Variants in AGK observed in about 807,000 individuals in gnomAD.
AGK encodes the protein acylglycerol kinase, mitochondrial.
In AGK, 52 loss-of-function variants were observed where a neutral mutation model predicts 66.4. The ratio of observed to expected loss-of-function variants is 0.78; its 90% CI spans 0.63 to 0.99. The LOEUF is 0.99. Among genes scored for constraint, AGK ranks in the 50% least tolerant of loss-of-function variants. AGK has a pLI of 0.00. For synonymous variants in AGK, 182 were observed against 181.1 expected, an observed-to-expected ratio of 1.00 and a Z score of -0.04; for missense variants, 451 against 506.6, an observed-to-expected ratio of 0.89 and a Z score of 1.05.
At chr7:141,590,299 G>T (rs1222795167) in intron 2 of AGK, among the ~76,000 whole-genome samples, 1 of 152,194 alleles carries the variant, frequency 6.6e-6, no homozygotes, top group African/African-American at 2.4e-5. Context: ...AGTAGAGGAG[G>T]AGCCTGGAAA....
chr7:141,622,615 C>T (rs1796850912), intron 9 of AGK, among the ~76,000 whole-genome samples: 1 of 152,192 alleles, frequency 6.6e-6, no homozygotes, highest in Non-Finnish European at 1.5e-5. Flanking sequence ...TAAATGTGTG[C>T]GTTGACTGCT....
intron 10 of AGK, 60 bp downstream of exon 10, chr7:141,634,040 C>T: frequency 7.0e-7 from 1 of 1,426,276 alleles, no homozygotes; most frequent in Non-Finnish European, 9.9e-7. Context: ...CTGTCCCTGC[C>T]TTTCAGGTTT....
chr7:141,601,574 C>T (rs1796341198), intron 5 of AGK, among the ~76,000 whole-genome samples: 1 of 152,098 alleles, frequency 6.6e-6, no homozygotes, highest in Admixed American at 6.5e-5. Context: ...GAATTCTTTT[C>T]CTGAAAATAC....
intron 5 of AGK, 45 bp downstream of exon 5, chr7:141,601,325 C>G: frequency 6.8e-7 from 1 of 1,475,630 alleles, no homozygotes; most frequent in Non-Finnish European, 9.4e-7. Context: ...GCAGCTGCCT[C>G]TTATAACAAC....
At chr7:141,647,209 C>T (rs925030619) in intron 13 of AGK, among the ~76,000 whole-genome samples, 5 of 152,152 alleles carry the variant, frequency 3.3e-5, no homozygotes, top group Admixed American at 6.5e-5. Flanking sequence ...CTCCAATCTA[C>T]TCCTGTCTTA....
At chr7:141,621,179 T>G (rs1444497754) in intron 8 of AGK, among the ~76,000 whole-genome samples, 1 of 152,140 alleles carries the variant, frequency 6.6e-6, no homozygotes, top group East Asian at 1.9e-4. Flanking sequence ...CTATAGACTT[T>G]CCAAATGGCT....
intron 9 of AGK, among the ~76,000 whole-genome samples, chr7:141,628,919 T>G (rs1796998420): frequency 6.6e-6 from 1 of 152,184 alleles, no homozygotes; most frequent in Non-Finnish European, 1.5e-5. Flanking sequence ...TTTATAGAAT[T>G]CTTTGTAGCT....
At chr7:141,646,971 T>G (rs1797425898) in intron 13 of AGK, among the ~76,000 whole-genome samples, 1 of 152,148 alleles carries the variant, frequency 6.6e-6, no homozygotes, top group South Asian at 2.1e-4. Flanking sequence ...GGCTGTGCTT[T>G]CTTTCTTTTC....
At chr7:141,615,701 G>A in intron 8 of AGK, 136 bp downstream of exon 8, 4 of 714,328 alleles carry the variant, frequency 5.6e-6, no homozygotes, top group South Asian at 5.3e-5. Flanking sequence ...CTAGATCAGA[G>A]TTCAGCCTTT....
intron 2 of AGK, among the ~76,000 whole-genome samples, chr7:141,588,037 C>T (rs1339272262): frequency 6.6e-6 from 1 of 152,168 alleles, no homozygotes; most frequent in African/African-American, 2.4e-5. Context: ...GTTTCAACAA[C>T]TACCTTCAGA....
chr7:141,604,570 T>G (rs1451624854), intron 5 of AGK, among the ~76,000 whole-genome samples: 2 of 150,866 alleles, frequency 1.3e-5, no homozygotes, highest in Non-Finnish European at 3.0e-5. Flanking sequence ...TGATGTACTA[T>G]TATCTTGTAG....
intron 2 of AGK, among the ~76,000 whole-genome samples, chr7:141,586,448 T>A (rs1795996545): frequency 6.6e-6 from 1 of 152,228 alleles, no homozygotes; most frequent in African/African-American, 2.4e-5. Flanking sequence ...ATCTCTCCTG[T>A]TCAAACATTT....
At position 141,578,086 on chromosome 7, in the gene AGK, G is replaced by A. The variant is rs370584879; in HGVS notation, c.102-15060G>A. ...CTGCCTTGGCCTCAGTATCACGCGCGTCCATGTGAAGAGACCACCAAACAG... is the reference window on the plus strand; with the variant it reads ...CTGCCTTGGCCTCAGTATCACGCGCATCCATGTGAAGAGACCACCAAACAG... On this transcript the variant is annotated intron_variant, in intron 2 of 15. Coordinates refer to ENST00000649286, the MANE Select transcript of AGK (RefSeq NM_018238.4). 8.0e-4 allele frequency among the ~76,000 whole-genome samples: 121 copies of A among 152,126 alleles called. 2 individuals are homozygous for A. Among genetic ancestry groups the A allele is most frequent in the African/African-American group, 2.9e-3 (120 of 41,416 alleles).
rs376714448 is a variant in AGK at position 141,585,397 on chromosome 7, A to G, written c.102-7749A>G. On this transcript the variant is annotated intron_variant, in intron 2 of 15. Transcript: ENST00000649286. ...CTTTGCTCCCATTTCTTTCATTCCT[A>G]TTGCTCCATGGGCAACCATGGGCAC... Among the ~76,000 whole-genome samples the G allele has an allele frequency of 2.8e-4, 42 of 152,266 alleles. No individual in the cohort carries two copies. The East Asian group carries it at 6.2e-3, about 22-fold the overall frequency.
At chr7:141,651,753 T>C in intron 15 of AGK, 144 bp downstream of exon 15, 1 of 758,416 alleles carries the variant, frequency 1.3e-6, no homozygotes. Flanking sequence ...AGGCTCTGGG[T>C]CATATTAGCG....
In AGK at chr7:141,641,294, C is replaced by T. The variant is rs781303259; in HGVS notation, c.773C>T (p.Thr258Ile). The change falls in exon 12 of 16, where the codon ACA becomes ATA. Residue 258 changes from threonine (T) to isoleucine (I), a missense_variant. Coordinates refer to ENST00000649286, the MANE Select transcript of AGK (RefSeq NM_018238.4). Reference protein sequence around the residue: ...HQASISYTGPTERPPNEPEET... With the variant: ...HQASISYTGPIERPPNEPEET... ...GCCTCTATCTCATACACGGGACCTA[C>T]AGAGAGACCTCCCAATGAACCAGAG... 1.2e-6 allele frequency: 2 copies of T among 1,613,878 alleles called. No homozygotes were observed. Among genetic ancestry groups the T allele is most frequent in the Non-Finnish European group, 1.7e-6 (2 of 1,179,940 alleles).
chr7:141,600,021 A>G (rs1207516072), intron 4 of AGK, among the ~76,000 whole-genome samples: 5 of 152,224 alleles, frequency 3.3e-5, no homozygotes, highest in Non-Finnish European at 7.3e-5. Context: ...TGGCCTGTGC[A>G]TAACTATACG....
chr7:141,565,572 C>T (rs756566569), intron 2 of AGK, among the ~76,000 whole-genome samples: 5 of 151,386 alleles, frequency 3.3e-5, no homozygotes, highest in South Asian at 2.1e-4. Context: ...ACCCAGGAGG[C>T]GGAGGCTGCA....
chr7:141,618,570 A>G, intron 8 of AGK, among the ~76,000 whole-genome samples: 1 of 152,226 alleles, frequency 6.6e-6, no homozygotes, highest in Non-Finnish European at 1.5e-5. Context: ...AGATTCTATA[A>G]TTAAAACAAA....
Sources: allele counts gnomAD v4.1 joint callset (sites outside exome capture counted in the v4.1 genomes callset), GRCh38; gene constraint gnomAD v4.1.1; transcripts MANE v1.5; gene names NCBI Gene and HGNC (gene_info 2026-07-23, HGNC 2026-07-21).